ATP10B: variants seen among roughly 807,000 people sequenced by gnomAD.
ATP10B encodes ATPase phospholipid transporting 10B (putative), also known as phospholipid-transporting ATPase VB.
In ATP10B, 122 loss-of-function variants were observed where a neutral mutation model predicts 141.2. The observed-to-expected ratio is 0.86, with a 90% CI of 0.75 to 1.00. The LOEUF (loss-of-function observed/expected upper bound fraction) is 1.00. Ranked by LOEUF, ATP10B falls within the 50% of genes least tolerant of loss-of-function variation. The pLI is 0.00. For missense variants in ATP10B, 1,876 were observed against 1,825.3 expected (o/e 1.03, Z -0.51); for synonymous variants, 685 against 692.0 (o/e 0.99, Z 0.16).
intron 1 of ATP10B, 21 bp from the exon 2 acceptor site, chr5:160,785,824 A>G (rs1360374420): frequency 2.6e-6 from 1 of 380,794 alleles, no homozygotes; most frequent in African/African-American, 2.2e-5. Flanking sequence ...CAGGACAGAA[A>G]AGAAATACAA....
chr5:160,804,198 A>T (rs941487067), intron 1 of ATP10B, among the ~76,000 whole-genome samples: 5 of 152,218 alleles, frequency 3.3e-5, no homozygotes, highest in African/African-American at 1.2e-4. Flanking sequence ...CTTCCTTAGG[A>T]AACATTTTTC....
chr5:160,812,028 G>GAC (rs1444850593), intron 1 of ATP10B, among the ~76,000 whole-genome samples: 82 of 72,160 alleles, frequency 1.1e-3, no homozygotes, highest in Middle Eastern at 6.6e-3. Flanking sequence ...GACAGAGAGA[G>GAC]AGAGAGAGAG....
chr5:160,765,566 G>A (rs1249778771), intron 2 of ATP10B, among the ~76,000 whole-genome samples: 4 of 152,108 alleles, frequency 2.6e-5, no homozygotes. Flanking sequence ...ATCAACTCAA[G>A]TTGGATCAAA....
chr5:160,923,944 G>T, the ATP10B span, among the ~76,000 whole-genome samples: 2 of 152,208 alleles, frequency 1.3e-5, no homozygotes, highest in African/African-American at 2.4e-5. Context: ...GAGGCGCCTT[G>T]GAGAGACCAA....
At chr5:160,589,392 T>C (rs915688662) in intron 24 of ATP10B, among the ~76,000 whole-genome samples, 200 bp downstream of exon 24, 4 of 152,240 alleles carry the variant, frequency 2.6e-5, no homozygotes, top group African/African-American at 9.6e-5. Context: ...TTTAACATCC[T>C]GGCTAGATGA....
intron 1 of ATP10B, among the ~76,000 whole-genome samples, chr5:160,844,553 T>G (rs1193030950): frequency 1.3e-5 from 2 of 151,962 alleles, no homozygotes; most frequent in East Asian, 3.9e-4. Flanking sequence ...ATACTTTGTT[T>G]TTTTTTTTTT....
At chr5:160,795,376 T>A (rs564864087) in intron 1 of ATP10B, among the ~76,000 whole-genome samples, 47 of 152,230 alleles carry the variant, frequency 3.1e-4, no homozygotes, top group African/African-American at 1.1e-3. Context: ...CTCAGATTGG[T>A]GTCTACTGTA....
the ATP10B span, among the ~76,000 whole-genome samples, chr5:160,859,190 T>A: frequency 1.3e-5 from 2 of 151,952 alleles, no homozygotes; most frequent in South Asian, 2.1e-4. Flanking sequence ...ACATATAGCA[T>A]TGATCCCTTT....
intron 24 of ATP10B, among the ~76,000 whole-genome samples, chr5:160,575,541 C>T (rs1339271269): frequency 6.6e-6 from 1 of 152,040 alleles, no homozygotes. Context: ...AATTCAGATA[C>T]CCTCTTTGAG....
intron 2 of ATP10B, among the ~76,000 whole-genome samples, chr5:160,762,343 C>A (rs886744212): frequency 6.6e-6 from 1 of 152,096 alleles, no homozygotes; most frequent in Non-Finnish European, 1.5e-5. Context: ...TAAAGAACAA[C>A]CTATCAGATT....
chr5:160,816,743 A>G (rs970078428), intron 1 of ATP10B, among the ~76,000 whole-genome samples: 11 of 152,220 alleles, frequency 7.2e-5, no homozygotes, highest in Admixed American at 6.5e-4. Context: ...CATCGATGCA[A>G]AAATCCTCAA....
chr5:160,717,637 C>T (rs1464169231), intron 2 of ATP10B, among the ~76,000 whole-genome samples: 1 of 152,208 alleles, frequency 6.6e-6, no homozygotes, highest in Non-Finnish European at 1.5e-5. Flanking sequence ...TTAATCCTCA[C>T]AAGATCCCTG....
upstream of ATP10B, among the ~76,000 whole-genome samples, chr5:160,852,924 C>T (rs1464845180): frequency 6.6e-6 from 1 of 151,882 alleles, no homozygotes; most frequent in Non-Finnish European, 1.5e-5. Context: ...AGAAATATTA[C>T]CAAACTTAGG....
chr5:160,634,657 T>G, intron 11 of ATP10B, 51 bp from the exon 12 acceptor site: 1 of 1,546,378 alleles, frequency 6.5e-7, no homozygotes, highest in Non-Finnish European at 8.7e-7. Context: ...GTTCCCTCCC[T>G]TGGGATCCTC....
chr5:160,648,539 T>A (rs935215485), intron 8 of ATP10B, among the ~76,000 whole-genome samples: 1 of 152,162 alleles, frequency 6.6e-6, no homozygotes, highest in Non-Finnish European at 1.5e-5. Context: ...TGCAGTAAAA[T>A]GCTTAGGCTG....
Position 160,634,551 on chromosome 5 carries a change from A to C in ATP10B, c.1184T>G (p.Val395Gly). ...VSIELVKLGQ[V>G]FFLSNDLDLY... Reference sequence around the variant, plus strand: ...GTCAAGGTCATTGCTCAAGAAGAACACTTGCCCGAGCTTCACCAGCTCAAT... The same window carrying C: ...GTCAAGGTCATTGCTCAAGAAGAACCCTTGCCCGAGCTTCACCAGCTCAAT... The change falls in exon 12 of 26, where the codon GTG becomes GGG. Residue 395 changes from valine (V) to glycine (G), a missense_variant. Transcript: ENST00000327245. The C allele has an allele frequency of 6.2e-7, 1 of 1,614,152 alleles. No individual in the cohort carries two copies. The highest frequency in any genetic ancestry group is 8.5e-7 in the Non-Finnish European group (1 of 1,180,012).
chr5:160,671,164 CAAAAAAAAAAAAAAAAAAAA>C (rs1167788105), intron 6 of ATP10B, among the ~76,000 whole-genome samples: 2 of 23,740 alleles, frequency 8.4e-5, no homozygotes, highest in Admixed American at 5.3e-4. Flanking sequence ...GACTCTGTCT[CAAAAAAAAAAAAAAAAAAAA>C]AAAAAAAACC....
chr5:160,825,317 T>C (rs575650737), intron 1 of ATP10B, among the ~76,000 whole-genome samples: 33 of 152,310 alleles, frequency 2.2e-4, no homozygotes, highest in African/African-American at 7.7e-4. Context: ...AGAAATCCAG[T>C]GGGAGATAAT....
chr5:160,793,574 T>C (rs566945785), intron 1 of ATP10B, among the ~76,000 whole-genome samples: 1 of 152,354 alleles, frequency 6.6e-6, no homozygotes, highest in Admixed American at 6.5e-5. Context: ...GTGAAAAATT[T>C]CTGTCACCTA....
Sources: gnomAD v4.1 joint callset for allele counts (sites outside exome capture counted in the v4.1 genomes callset) on GRCh38, gnomAD v4.1.1 for gene constraint, MANE v1.5 for transcripts, NCBI Gene and HGNC (gene_info 2026-07-23, HGNC 2026-07-21) for gene names.